The following CCDC7 variants were observed in gnomAD, a reference collection of about 807,000 sequenced individuals.
CCDC7 encodes coiled-coil domain-containing protein 7.
In CCDC7, 183 loss-of-function variants were observed where a neutral mutation model predicts 196.9. The ratio of observed to expected loss-of-function variants is 0.93; its 90% CI spans 0.82 to 1.05. The LOEUF (loss-of-function observed/expected upper bound fraction) is 1.05. Ranked by LOEUF, CCDC7 falls within the 50% of genes least tolerant of loss-of-function variation. The pLI, the probability that CCDC7 is intolerant of heterozygous loss-of-function variation, is 0.00. For missense variants in CCDC7, 1,540 were observed against 1,482.2 expected (o/e 1.04, Z -0.64); for synonymous variants, 525 against 484.6 (o/e 1.08, Z -1.10).
chr10:32,511,272 G>GGGGGT, intron 9 of CCDC7: 1 of 770,830 alleles, frequency 1.3e-6, no homozygotes. Context: ...GGGGGGGGCG[G>GGGGGT]GGAAATGTAC....
chr10:32,478,652 C>A (rs916214867), intron 8 of CCDC7, among the ~76,000 whole-genome samples: 3 of 152,028 alleles, frequency 2.0e-5, no homozygotes, highest in African/African-American at 4.8e-5. Flanking sequence ...CCTGGAATAA[C>A]CCATTTGGTT....
intron 16 of CCDC7, among the ~76,000 whole-genome samples, chr10:32,579,117 A>G (rs2058502694): frequency 1.3e-5 from 2 of 152,168 alleles, no homozygotes; most frequent in Admixed American, 1.3e-4. Context: ...TATGTGTGTC[A>G]GTAGTGGCAG....
chr10:32,696,025 G>A (rs2141359385), intron 24 of CCDC7, among the ~76,000 whole-genome samples: 1 of 151,260 alleles, frequency 6.6e-6, no homozygotes, highest in Admixed American at 6.6e-5. Flanking sequence ...CAAGACAGTT[G>A]ATAGTGTTTT....
intron 21 of CCDC7, among the ~76,000 whole-genome samples, 193 bp from the exon 23 acceptor site, chr10:32,685,777 A>G (rs2076397272): frequency 6.6e-6 from 1 of 152,204 alleles, no homozygotes; most frequent in Non-Finnish European, 1.5e-5. Context: ...ATAAAGTGAG[A>G]AAGCATCAAC....
intron 13 of CCDC7, among the ~76,000 whole-genome samples, chr10:32,549,366 C>T (rs979062740): frequency 2.6e-5 from 4 of 152,056 alleles, no homozygotes; most frequent in Non-Finnish European, 4.4e-5. Context: ...TGTGGGTTGT[C>T]TGATTACTCT....
In CCDC7 at chr10:32,818,331, T is replaced by C. The variant is rs1448358305; in HGVS notation, c.3181+3878T>C. Among the ~76,000 whole-genome samples, 106 of 152,182 alleles carry C rather than the reference T, an allele frequency of 7.0e-4. 1 individual carries two copies. In the Middle Eastern group the frequency reaches 0.014, roughly 20 times the overall value. On this transcript the variant is annotated intron_variant, in intron 31 of 41. Coordinates refer to ENST00000639629, the Ensembl canonical transcript of CCDC7. Reference sequence around the variant, plus strand: ...CACCCAATACAGGAGCACCCAGATTTATAAAGCAAGTCCTTAGAGACCTAG... The same window carrying C: ...CACCCAATACAGGAGCACCCAGATTCATAAAGCAAGTCCTTAGAGACCTAG...
intron 9 of CCDC7, among the ~76,000 whole-genome samples, chr10:32,504,318 G>A (rs951812069): frequency 7.9e-5 from 12 of 151,880 alleles, no homozygotes; most frequent in Admixed American, 2.6e-4. Context: ...GGGTTTCACC[G>A]TGTTAGCCAG....
At chr10:32,617,064 C>G (rs2062858388) in intron 18 of CCDC7, among the ~76,000 whole-genome samples, 1 of 151,688 alleles carries the variant, frequency 6.6e-6, no homozygotes, top group Non-Finnish European at 1.5e-5. Context: ...TCTAGGTTTT[C>G]TAGTTTGTGA....
intron 8 of CCDC7, among the ~76,000 whole-genome samples, chr10:32,481,059 C>T (rs976881091): frequency 6.6e-6 from 1 of 151,966 alleles, no homozygotes; most frequent in Non-Finnish European, 1.5e-5. Flanking sequence ...TTGTTATATT[C>T]TCTTGAGCTT....
intron 27 of CCDC7, 33 bp downstream of exon 28, chr10:32,729,030 AT>A: frequency 7.2e-7 from 1 of 1,394,906 alleles, no homozygotes; most frequent in Non-Finnish European, 1.0e-6. Context: ...ACTTTAAATT[AT>A]TTTATGTTGA....
chr10:32,579,380 G>A (rs986704187), intron 16 of CCDC7, among the ~76,000 whole-genome samples: 2 of 151,972 alleles, frequency 1.3e-5, no homozygotes, highest in African/African-American at 2.4e-5. Context: ...CATGTGCTTG[G>A]CCAGCCATTA....
At chr10:32,828,942 CACA>C (rs745306264) in intron 32 of CCDC7, among the ~76,000 whole-genome samples, 2 of 152,138 alleles carry the variant, frequency 1.3e-5, no homozygotes, top group African/African-American at 2.4e-5. Flanking sequence ...CACCAGGAGA[CACA>C]ACAACAATTC....
chr10:32,843,758 C>G (rs1258923049), intron 33 of CCDC7, among the ~76,000 whole-genome samples: 1 of 151,948 alleles, frequency 6.6e-6, no homozygotes, highest in African/African-American at 2.4e-5. Flanking sequence ...CTTATGTGTG[C>G]TAGTTGGAGT....
intron 9 of CCDC7, among the ~76,000 whole-genome samples, chr10:32,505,459 T>G (rs1382447660): frequency 1.3e-5 from 2 of 152,246 alleles, no homozygotes; most frequent in South Asian, 4.2e-4. Flanking sequence ...TAACCCTGAG[T>G]TGACACAGCA....
intron 20 of CCDC7, among the ~76,000 whole-genome samples, chr10:32,650,226 C>T (rs1419441230): frequency 1.3e-4 from 20 of 152,138 alleles, no homozygotes; most frequent in Non-Finnish European, 1.5e-5. Context: ...TGTATAGGGT[C>T]TTTGTTGTAA....
At chr10:32,498,988 CT>C (rs1031359995) in intron 9 of CCDC7, 3 of 151,628 alleles carry the variant, frequency 2.0e-5, no homozygotes, top group Non-Finnish European at 4.4e-5. Flanking sequence ...TGTTTTCCAA[CT>C]TGGTTCAATT....
intron 29 of CCDC7, among the ~76,000 whole-genome samples, chr10:32,782,518 G>A (rs1244130372): frequency 6.6e-6 from 1 of 152,040 alleles, no homozygotes; most frequent in Non-Finnish European, 1.5e-5. Flanking sequence ...ATGAGCCACC[G>A]TGCCCGGCCA....
chr10:32,673,013 A>G (rs1014395178), intron 21 of CCDC7, among the ~76,000 whole-genome samples: 4 of 151,952 alleles, frequency 2.6e-5, no homozygotes, highest in African/African-American at 7.3e-5. Context: ...ATTCTTTTCC[A>G]TGTGGATACT....
At chr10:32,857,318 A>G (rs2093791974) in intron 41 of CCDC7, among the ~76,000 whole-genome samples, 3 of 152,220 alleles carry the variant, frequency 2.0e-5, no homozygotes, top group South Asian at 2.1e-4. Flanking sequence ...CAACAGCAGC[A>G]GAACATACAT....
Sources: allele counts gnomAD v4.1 joint callset (sites outside exome capture counted in the v4.1 genomes callset), GRCh38; gene constraint gnomAD v4.1.1; transcripts MANE v1.5; gene names NCBI Gene and HGNC (gene_info 2026-07-23, HGNC 2026-07-21).